Variants in CCDC50 observed in about 807,000 individuals in gnomAD.
CCDC50 encodes coiled-coil domain-containing protein 50.
Under a neutral mutation model 70.2 loss-of-function variants are expected in CCDC50, and 54 were observed. The observed-to-expected ratio is 0.77, with a 90% CI of 0.62 to 0.96. CCDC50 has a LOEUF of 0.96. Ranked by LOEUF, CCDC50 falls within the 50% of genes least tolerant of loss-of-function variation. CCDC50 has a pLI of 0.00. For missense variants in CCDC50, 558 were observed against 578.7 expected (o/e 0.96, Z 0.37); for synonymous variants, 216 against 198.8 (o/e 1.09, Z -0.73).
intron 5 of CCDC50, among the ~76,000 whole-genome samples, chr3:191,371,956 T>G (rs564489137): frequency 2.0e-5 from 3 of 152,326 alleles, no homozygotes; most frequent in South Asian, 2.1e-4. Context: ...TGGAGGTATA[T>G]TCACTGTAAA....
intron 1 of CCDC50, among the ~76,000 whole-genome samples, chr3:191,339,444 C>T (rs79486260): frequency 0.085 from 12,944 of 152,098 alleles, 672 homozygotes; most frequent in East Asian, 0.24. Flanking sequence ...AGGATTTGGA[C>T]AGAATCTTGT....
At position 191,375,607 on chromosome 3, in the gene CCDC50, C is replaced by A. The variant is rs375958338; in HGVS notation, c.976+18C>A. 7.9e-5 allele frequency: 127 copies of A among 1,609,354 alleles called. No homozygotes were observed. The highest frequency in any genetic ancestry group is 9.8e-5 in the Non-Finnish European group (115 of 1,177,936). On this transcript the variant is annotated intron_variant, in intron 6 of 11. Transcript: ENST00000392455. ...TGACGCAGGTAATAGAGGACAGTCTCGATGGAAGTCCTGGTATCATGTATA... is the reference window on the plus strand; with the variant it reads ...TGACGCAGGTAATAGAGGACAGTCTAGATGGAAGTCCTGGTATCATGTATA...
intron 1 of CCDC50, among the ~76,000 whole-genome samples, chr3:191,336,424 G>A (rs1711524031): frequency 6.6e-6 from 1 of 152,094 alleles, no homozygotes; most frequent in South Asian, 2.1e-4. Flanking sequence ...AATGACTCAT[G>A]ATGTTGTGCC....
intron 4 of CCDC50, among the ~76,000 whole-genome samples, chr3:191,365,355 C>T (rs538533605): frequency 6.6e-6 from 1 of 151,438 alleles, no homozygotes; most frequent in Non-Finnish European, 1.5e-5. Context: ...ATTTCATGTT[C>T]TAAAAGAATA....
At chr3:191,372,991 T>C (rs1712965816) in intron 5 of CCDC50, among the ~76,000 whole-genome samples, 1 of 152,102 alleles carries the variant, frequency 6.6e-6, no homozygotes, top group South Asian at 2.1e-4. Flanking sequence ...ATCGGTGTTA[T>C]ATGTGTATAA....
At position 191,329,946 on chromosome 3, in the gene CCDC50, G is replaced by T. The variant is rs796791217; in HGVS notation, c.49+223G>T. ...GTTTTTTCTCAAGGGGGTGGTTGGG[G>T]GGGGGGGGGGCTAGCAGCAGCCCCA... On this transcript the variant is annotated intron_variant, in intron 1 of 11. Transcript: ENST00000392455. 8.4e-3 allele frequency among the ~76,000 whole-genome samples: 838 copies of T among 100,126 alleles called. 14 individuals carry two copies. Among genetic ancestry groups the T allele is most frequent in the Non-Finnish European group, 0.011 (628 of 55,234 alleles). 65.7% of individuals were successfully genotyped at this position (100,126 alleles called of 152,430 possible).
At position 191,374,563 on chromosome 3, in the gene CCDC50, A is replaced by G. The variant is rs374000330; in HGVS notation, c.449-499A>G. The stretch of plus-strand genomic sequence containing the variant: ...GATGGAGGCATATAAAAATCTGTGG[A>G]TCATTCCTCTGAACTCAAGAGAAAC... On this transcript the variant is annotated intron_variant, in intron 5 of 11. Coordinates refer to ENST00000392455, the MANE Select transcript of CCDC50 (RefSeq NM_178335.3). Among the ~76,000 whole-genome samples the G allele has an allele frequency of 2.0e-4, 31 of 152,290 alleles. No individual in the cohort carries two copies. In the East Asian group the frequency reaches 5.8e-3, roughly 28 times the overall value.
chr3:191,393,844 T>A lies in CCDC50; in HGVS notation c.*2084T>A, dbSNP rs959617980. 2.0e-5 allele frequency: 3 copies of A among 152,206 alleles called. No homozygotes were observed. Among genetic ancestry groups the A allele is most frequent in the Non-Finnish European group, 4.4e-5 (3 of 68,018 alleles). 9.4% of individuals were successfully genotyped at this position (152,206 alleles called of 1,614,324 possible). ...TGCCCTGTGATTTCGCTTCGTGTCC[T>A]TCAAAGTTTTTTTATTGTAATTTTA... is the stretch of plus-strand genomic sequence containing the variant. On this transcript the variant is annotated 3_prime_UTR_variant, in exon 12 of 12. Transcript: ENST00000392455.
At position 191,329,564 on chromosome 3, in the gene CCDC50, C is replaced by G; in HGVS notation, c.-111C>G. 4.5e-6 allele frequency: 5 copies of G among 1,112,908 alleles called. No homozygotes were observed. Among genetic ancestry groups the G allele is most frequent in the Admixed American group, 2.7e-5 (1 of 36,852 alleles). 68.9% of individuals were successfully genotyped at this position (1,112,908 alleles called of 1,614,324 possible). ...CCGTTCTCCGGCCTGCGAGCCCTGC[C>G]GGCCGGACTTTGCGCCGCGTCCGGC... On this transcript the variant is annotated 5_prime_UTR_variant, in exon 1 of 12. Transcript: ENST00000392455.
chr3:191,340,663 G>A (rs764737826), intron 1 of CCDC50, among the ~76,000 whole-genome samples: 2 of 152,096 alleles, frequency 1.3e-5, no homozygotes, highest in Non-Finnish European at 2.9e-5. Context: ...GTTTGGAGTG[G>A]CGGAGCTTAT....
chr3:191,380,770 C>G lies in CCDC50; in HGVS notation c.1137+39C>G, dbSNP rs979804501. 1.9e-6 allele frequency: 3 copies of G among 1,605,858 alleles called. No individual in the cohort carries two copies. The African/African-American group carries it at 4.0e-5, about 21-fold the overall frequency. ...TTTAGCTGATATTCTTTGGAAATAT[C>G]CTAGTATATTTCTATCTGCACCTCT... On this transcript the variant is annotated intron_variant, in intron 8 of 11. Transcript: ENST00000392455.
intron 10 of CCDC50, among the ~76,000 whole-genome samples, chr3:191,386,352 G>T (rs1201680222): frequency 6.7e-6 from 1 of 149,962 alleles, no homozygotes; most frequent in Non-Finnish European, 1.5e-5. Flanking sequence ...AGCCTCCCAA[G>T]TAACTGGGAT....
At chr3:191,390,437 G>T (rs985661857) in intron 11 of CCDC50, among the ~76,000 whole-genome samples, 82 of 7,090 alleles carry the variant, frequency 0.012, 1 homozygote, top group Non-Finnish European at 0.022. Flanking sequence ...GCTCAGCAGT[G>T]TGGGCTGCTG....
Position 191,369,628 on chromosome 3 carries a change from T to C in CCDC50, c.331-291T>C, listed in dbSNP as rs190058853. Among the ~76,000 whole-genome samples the C allele has an allele frequency of 4.1e-4, 63 of 152,300 alleles. No homozygotes were observed. In the East Asian group the frequency reaches 8.3e-3, roughly 20 times the overall value. On this transcript the variant is annotated intron_variant, in intron 4 of 11. Transcript: ENST00000392455. ...TGGAAAGAGGGCCCACAAATACATA[T>C]TTTTAAAATTCTGTTGTGTAACCTG...
chr3:191,357,031 G>T, intron 1 of CCDC50, 57 bp from the exon 2 acceptor site: 2 of 1,071,078 alleles, frequency 1.9e-6, no homozygotes, highest in South Asian at 1.3e-5. Context: ...CCTTTCCTTT[G>T]TATGTTAAAG....
chr3:191,352,164 C>T (rs541562873), intron 1 of CCDC50, among the ~76,000 whole-genome samples: 7 of 142,142 alleles, frequency 4.9e-5, no homozygotes, highest in African/African-American at 1.5e-4. Flanking sequence ...TATTAACTTA[C>T]ATTATACCTG....
Position 191,375,071 on chromosome 3 carries a change from G to T in CCDC50, c.458G>T (p.Gly153Val). The change falls in exon 6 of 12, where the codon GGG becomes GTG. Residue 153 changes from glycine (G) to valine (V), a missense_variant. Coordinates refer to ENST00000392455, the MANE Select transcript of CCDC50 (RefSeq NM_178335.3). Reference sequence around the variant, plus strand: ...CTCTGCCTCCACTCAGACCAACCAGGGTCAAGGAGGGCCAGGGAATTGGGT... The same window carrying T: ...CTCTGCCTCCACTCAGACCAACCAGTGTCAAGGAGGGCCAGGGAATTGGGT... The part of the protein sequence containing the change: ...SYYYEDGDQP[G>V]SRRARELGSG... The T allele has an allele frequency of 6.2e-7, 1 of 1,613,282 alleles. No individual in the cohort carries two copies. Among genetic ancestry groups the T allele is most frequent in the Non-Finnish European group, 8.5e-7 (1 of 1,179,626 alleles).
chr3:191,354,084 A>G (rs187838686), intron 1 of CCDC50, among the ~76,000 whole-genome samples: 11 of 152,332 alleles, frequency 7.2e-5, no homozygotes, highest in African/African-American at 2.2e-4. Flanking sequence ...TGGTTTAGCA[A>G]TATGTGCTGT....
In CCDC50 at chr3:191,387,772, G is replaced by A. The variant is rs139207504; in HGVS notation, c.1323-1724G>A. On this transcript the variant is annotated intron_variant, in intron 10 of 11. Coordinates refer to ENST00000392455, the MANE Select transcript of CCDC50 (RefSeq NM_178335.3). ...CATACTTTTCCTTGATGAGTTGATG[G>A]TGAGGCACTAATCATGGATTGTTTT... Among the ~76,000 whole-genome samples the A allele has an allele frequency of 1.5e-3, 225 of 152,220 alleles. 1 individual carries two copies. The highest frequency in any genetic ancestry group is 3.4e-3 in the Middle Eastern group (1 of 294).
Sources: allele counts gnomAD v4.1 joint callset (sites outside exome capture counted in the v4.1 genomes callset), GRCh38; gene constraint gnomAD v4.1.1; transcripts MANE v1.5; gene names NCBI Gene and HGNC (gene_info 2026-07-23, HGNC 2026-07-21).